Variants in CECR2 observed in about 807,000 individuals in gnomAD.
The protein encoded by CECR2 is CECR2 histone acetyl-lysine reader.
Under a neutral mutation model 154.5 loss-of-function variants are expected in CECR2, and 30 were observed. The observed-to-expected ratio is 0.19, with a 90% CI of 0.15 to 0.26. The LOEUF (loss-of-function observed/expected upper bound fraction) is 0.26, where lower values mean the gene tolerates loss of function less well. Ranked by LOEUF, CECR2 falls within the 10% of genes least tolerant of loss-of-function variation. The pLI, the probability that CECR2 is intolerant of heterozygous loss-of-function variation, is 1.00. For missense variants in CECR2, 1,743 were observed against 1,829.3 expected, an observed-to-expected ratio of 0.95 and a Z score of 0.86; for synonymous variants, 725 against 683.7, an observed-to-expected ratio of 1.06 and a Z score of -0.94.
intron 1 of CECR2, among the ~76,000 whole-genome samples, chr22:17,432,710 A>G (rs1418048180): frequency 6.6e-6 from 1 of 152,160 alleles, no homozygotes; most frequent in African/African-American, 2.4e-5. Flanking sequence ...ATCAAAGGTC[A>G]CTGCAGCCTC....
chr22:17,538,582 T>C, intron 11 of CECR2, 25 bp downstream of exon 11: 1 of 1,613,708 alleles, frequency 6.2e-7, no homozygotes, highest in Non-Finnish European at 8.5e-7. Flanking sequence ...TCCACTGTTC[T>C]GTTTGTGATA....
chr22:17,498,986 T>G (rs1417099908), intron 3 of CECR2, among the ~76,000 whole-genome samples: 1 of 151,718 alleles, frequency 6.6e-6, no homozygotes, highest in African/African-American at 2.4e-5. Context: ...TTTTTATTTA[T>G]TTATTTATTT....
At chr22:17,427,714 G>A (rs1386349506) in intron 1 of CECR2, among the ~76,000 whole-genome samples, 2 of 152,122 alleles carry the variant, frequency 1.3e-5, no homozygotes, top group Non-Finnish European at 2.9e-5. Context: ...TGGCTTGGAT[G>A]GCCAGCTTTT....
At chr22:17,544,608 C>T (rs529427067) in intron 16 of CECR2, among the ~76,000 whole-genome samples, 1 of 150,792 alleles carries the variant, frequency 6.6e-6, no homozygotes, top group African/African-American at 2.4e-5. Flanking sequence ...GTCAGGAGTT[C>T]AAGACCAGCC....
chr22:17,382,668 G>A (rs2063212413), intron 1 of CECR2, among the ~76,000 whole-genome samples: 1 of 152,200 alleles, frequency 6.6e-6, no homozygotes, highest in African/African-American at 2.4e-5. Flanking sequence ...ACTTTGGGAG[G>A]CTGAGGCTGG....
chr22:17,465,509 G>T (rs1302952924), intron 1 of CECR2, among the ~76,000 whole-genome samples: 1 of 150,800 alleles, frequency 6.6e-6, no homozygotes. Context: ...TTTTGAGACA[G>T]AGTCTTGCTC....
intron 1 of CECR2, among the ~76,000 whole-genome samples, chr22:17,476,185 C>T (rs866501127): frequency 5.3e-5 from 8 of 150,456 alleles, no homozygotes; most frequent in Middle Eastern, 3.4e-3. Context: ...ACGAAATCTC[C>T]CAGGCTTCCA....
chr22:17,483,901 C>T (rs1424132959), intron 2 of CECR2, among the ~76,000 whole-genome samples: 2 of 152,170 alleles, frequency 1.3e-5, no homozygotes, highest in South Asian at 2.1e-4. Flanking sequence ...TACAGATACA[C>T]CATTTTAAAA....
Position 17,548,172 on chromosome 22 carries a change from A to G in CECR2, c.2885A>G (p.Glu962Gly). The part of the protein sequence containing the change: ...DQAEPLPGLE[E>G]KPPGVGTSEG... ...GCAGAGCCGTTGCCTGGCCTTGAAG[A>G]GAAACCACCAGGTGTTGGTACTTCA... Residue 962 changes from glutamate (E) to glycine (G), a missense_variant, in exon 17 of 19, where the codon GAG becomes GGG. By Grantham distance (98) the Glu-to-Gly change is moderately conservative (BLOSUM62 -2). Transcript: ENST00000262608. 5 of 1,557,584 alleles carry G rather than the reference A, an allele frequency of 3.2e-6. No individual in the cohort carries two copies. The highest frequency in any genetic ancestry group is 4.3e-6 in the Non-Finnish European group (5 of 1,152,010).
At chr22:17,489,657 T>C (rs574944555) in intron 2 of CECR2, among the ~76,000 whole-genome samples, 2 of 151,830 alleles carry the variant, frequency 1.3e-5, no homozygotes, top group Non-Finnish European at 2.9e-5. Context: ...CAGGTCTTGA[T>C]ATATTGCCCA....
chr22:17,471,610 A>G (rs1433982038), intron 1 of CECR2, among the ~76,000 whole-genome samples: 1 of 150,340 alleles, frequency 6.7e-6, no homozygotes, highest in African/African-American at 2.5e-5. Flanking sequence ...ATCTCGGCTC[A>G]CTGCAACCTC....
intron 1 of CECR2, among the ~76,000 whole-genome samples, chr22:17,448,787 C>T (rs2054718295): frequency 6.6e-6 from 1 of 152,206 alleles, no homozygotes; most frequent in Admixed American, 6.5e-5. Flanking sequence ...ATCCTTCCCT[C>T]CATCCTGGAT....
intron 9 of CECR2, among the ~76,000 whole-genome samples, chr22:17,529,006 G>C (rs747638190): frequency 1.4e-4 from 21 of 152,204 alleles, no homozygotes; most frequent in Non-Finnish European, 2.2e-4. Flanking sequence ...TGTGGCAGGA[G>C]GACCCCTTGA....
chr22:17,507,197 T>TTGA (rs2055863063), intron 7 of CECR2, among the ~76,000 whole-genome samples: 1 of 152,174 alleles, frequency 6.6e-6, no homozygotes, highest in Admixed American at 6.5e-5. Flanking sequence ...CTTAAGCAGG[T>TTGA]TGATGCTTTA....
At chr22:17,390,476 A>G (rs1316354829) in intron 1 of CECR2, among the ~76,000 whole-genome samples, 1 of 152,120 alleles carries the variant, frequency 6.6e-6, no homozygotes, top group East Asian at 1.9e-4. Context: ...TTGTGGGGAG[A>G]TACTTTGCAA....
chr22:17,474,415 A>C (rs563126933), intron 1 of CECR2, among the ~76,000 whole-genome samples: 78 of 152,336 alleles, frequency 5.1e-4, no homozygotes, highest in African/African-American at 1.8e-3. Context: ...TAAGTGACGC[A>C]GAGTTCCTCT....
intron 1 of CECR2, among the ~76,000 whole-genome samples, chr22:17,431,413 T>C (rs1055290655): frequency 5.3e-5 from 8 of 152,220 alleles, no homozygotes; most frequent in South Asian, 4.1e-4. Flanking sequence ...ACAGAAGTTA[T>C]TGTACATACA....
intron 1 of CECR2, among the ~76,000 whole-genome samples, chr22:17,437,302 C>G (rs370490548): frequency 6.6e-6 from 1 of 152,092 alleles, no homozygotes; most frequent in Non-Finnish European, 1.5e-5. Flanking sequence ...AGTTGTTTCA[C>G]GCGTTGTCGG....
At chr22:17,551,895 G>A (rs761505186) in intron 17 of CECR2, 136 bp from the exon 18 acceptor site, 12 of 758,810 alleles carry the variant, frequency 1.6e-5, no homozygotes, top group Non-Finnish European at 2.4e-5. Flanking sequence ...AGAATGTCGA[G>A]TTGTCCCAGT....
Sources: allele counts gnomAD v4.1 joint callset (sites outside exome capture counted in the v4.1 genomes callset), GRCh38; gene constraint gnomAD v4.1.1; transcripts MANE v1.5; gene names NCBI Gene and HGNC (gene_info 2026-07-23, HGNC 2026-07-21).